The following DNAH14 variants were observed in gnomAD, a reference collection of about 807,000 sequenced individuals.
DNAH14 encodes dynein axonemal heavy chain 14, also known as axonemal beta dynein heavy chain 14.
In DNAH14, 478 loss-of-function variants were observed where a neutral mutation model predicts 520.9. The observed-to-expected ratio is 0.92, with a 90% confidence interval of 0.85 to 0.99. The LOEUF is 0.99. Ranked by LOEUF, DNAH14 falls within the 50% of genes least tolerant of loss-of-function variation. DNAH14 has a pLI of 0.00. For synonymous variants in DNAH14, 1,581 were observed against 1,757.2 expected (o/e 0.90, Z 2.51); for missense variants, 4,831 against 5,234.5 (o/e 0.92, Z 2.38).
chr1:225,017,263 ATAAG>A (rs775689537), intron 10 of DNAH14, among the ~76,000 whole-genome samples: 1 of 152,246 alleles, frequency 6.6e-6, no homozygotes, highest in Non-Finnish European at 1.5e-5. Flanking sequence ...TTCAGCACAT[ATAAG>A]TAGTCTTCTT....
At chr1:225,378,696 G>C (rs1332611235) in intron 79 of DNAH14, among the ~76,000 whole-genome samples, 2 of 151,912 alleles carry the variant, frequency 1.3e-5, no homozygotes, top group Admixed American at 1.3e-4. Flanking sequence ...GCCTGGCCAA[G>C]ATGGTGAAAC....
intron 1 of DNAH14, among the ~76,000 whole-genome samples, chr1:224,951,241 G>T (rs554862264): frequency 1.3e-5 from 2 of 152,170 alleles, no homozygotes; most frequent in East Asian, 3.9e-4. Flanking sequence ...GCCTAAGCTG[G>T]TCTCGAACTC....
intron 9 of DNAH14, among the ~76,000 whole-genome samples, chr1:225,005,690 A>G (rs2064114683): frequency 6.6e-6 from 1 of 152,132 alleles, no homozygotes; most frequent in Admixed American, 6.6e-5. Context: ...ATTAATTTTT[A>G]TAATATAACT....
chr1:225,304,144 G>A (rs951162086), intron 57 of DNAH14, among the ~76,000 whole-genome samples: 11 of 152,238 alleles, frequency 7.2e-5, no homozygotes, highest in Admixed American at 4.6e-4. Flanking sequence ...AATATTCTTC[G>A]CAGTCTGGTT....
chr1:225,344,208 T>C (rs1247770781), intron 69 of DNAH14, among the ~76,000 whole-genome samples: 4 of 149,796 alleles, frequency 2.7e-5, no homozygotes, highest in Non-Finnish European at 5.9e-5. Context: ...CTTTCTAGGA[T>C]TTGGTAAAAC....
chr1:225,138,903 CT>C (rs375162145), intron 27 of DNAH14, among the ~76,000 whole-genome samples: 3 of 152,296 alleles, frequency 2.0e-5, no homozygotes, highest in African/African-American at 7.2e-5. Flanking sequence ...TCACTTGCCC[CT>C]TTTAATTCCT....
At chr1:225,294,236 T>A (rs986133961) in intron 55 of DNAH14, among the ~76,000 whole-genome samples, 1 of 152,196 alleles carries the variant, frequency 6.6e-6, no homozygotes, top group African/African-American at 2.4e-5. Context: ...CAGTGTATCA[T>A]GTTTATTGAT....
chr1:225,194,685 G>A (rs954692828), intron 38 of DNAH14, among the ~76,000 whole-genome samples: 1 of 151,998 alleles, frequency 6.6e-6, no homozygotes, highest in Non-Finnish European at 1.5e-5. Context: ...CCTAATTAAA[G>A]AGCTGCTGCA....
chr1:225,178,074 G>A (rs1465826785), intron 36 of DNAH14, among the ~76,000 whole-genome samples: 1 of 152,188 alleles, frequency 6.6e-6, no homozygotes, highest in Non-Finnish European at 1.5e-5. Flanking sequence ...GCATCAGCGT[G>A]ATCTGGATGT....
intron 43 of DNAH14, among the ~76,000 whole-genome samples, chr1:225,245,906 A>C (rs2092254885): frequency 6.6e-6 from 1 of 152,104 alleles, no homozygotes; most frequent in African/African-American, 2.4e-5. Context: ...AAAAGAACCC[A>C]TATAGCCAAG....
rs1258965423 is a variant in DNAH14, at chr1:225,206,070, C to A, written c.6077C>A (p.Ala2026Glu). 1 of 1,551,396 alleles carries A rather than the reference C, an allele frequency of 6.4e-7. No individual in the cohort carries two copies. The highest frequency in any genetic ancestry group is 1.4e-5 in the African/African-American group (1 of 73,036). ...VLDDTRTLCLANSERIALTNK... is the reference protein window; with the variant it reads ...VLDDTRTLCLENSERIALTNK... The stretch of plus-strand genomic sequence containing the variant: ...GATGATACTAGAACATTGTGCCTAG[C>A]AAACAGTGAGAGAATAGCTTTAACT... The change falls in exon 40 of 86, where the codon GCA (alanine) becomes GAA (glutamate). Residue 2026 changes from alanine (A) to glutamate (E), a missense_variant. Transcript: ENST00000682510.
intron 45 of DNAH14, 28 bp downstream of exon 45, chr1:225,258,146 A>G (rs2092806850): frequency 1.4e-6 from 2 of 1,447,578 alleles, no homozygotes; most frequent in African/African-American, 3.0e-5. Context: ...TAGAAGGAGA[A>G]TTTCAGAGTT....
At chr1:225,219,876 A>G (rs901114117) in intron 41 of DNAH14, among the ~76,000 whole-genome samples, 3 of 152,236 alleles carry the variant, frequency 2.0e-5, no homozygotes, top group Non-Finnish European at 2.9e-5. Flanking sequence ...TCAGGCCAGT[A>G]TCCCTGATGA....
chr1:225,300,839 C>A, intron 55 of DNAH14, 30 bp from the exon 56 acceptor site: 1 of 1,543,356 alleles, frequency 6.5e-7, no homozygotes, highest in South Asian at 1.2e-5. Context: ...ATAATTTACT[C>A]TTCCTCATTA....
Position 225,043,007 on chromosome 1 carries a change from T to C in DNAH14, c.1661T>C (p.Met554Thr). Residue 554 changes from methionine to threonine, a missense_variant, in exon 13 of 86, where the codon ATG (methionine) becomes ACG (threonine). By Grantham distance (81) the Met-to-Thr change is moderately conservative. Coordinates refer to ENST00000682510, the MANE Select transcript of DNAH14 (RefSeq NM_001367479.1). The part of the protein sequence containing the change: ...PEECVMFEDE[M>T]SENKDNCVKK... ...GAGTGTGTGATGTTTGAAGATGAAA[T>C]GTCAGAAAATAAAGACAATTGTGTC... 6.4e-7 allele frequency: 1 copy of C among 1,551,738 alleles called. No homozygotes were observed. The highest frequency in any genetic ancestry group is 8.7e-7 in the Non-Finnish European group (1 of 1,147,008).
chr1:225,217,791 A>C (rs574645170), intron 41 of DNAH14, among the ~76,000 whole-genome samples: 1 of 152,220 alleles, frequency 6.6e-6, no homozygotes, highest in East Asian at 1.9e-4. Context: ...TTTTCCAGGT[A>C]CCGTCTGTCA....
At chr1:224,983,959 C>G (rs548842790) in intron 8 of DNAH14, among the ~76,000 whole-genome samples, 2 of 152,088 alleles carry the variant, frequency 1.3e-5, no homozygotes, top group African/African-American at 2.4e-5. Flanking sequence ...TGAAAATGAC[C>G]ATACTGCCAA....
At chr1:225,252,741 G>C (rs1033650486) in intron 44 of DNAH14, among the ~76,000 whole-genome samples, 5 of 151,964 alleles carry the variant, frequency 3.3e-5, no homozygotes, top group Admixed American at 2.6e-4. Context: ...AAATGGAAAG[G>C]ACTACTTGTA....
intron 23 of DNAH14, among the ~76,000 whole-genome samples, chr1:225,105,056 A>T (rs2075897914): frequency 1.3e-5 from 2 of 152,130 alleles, no homozygotes; most frequent in South Asian, 4.1e-4. Flanking sequence ...CACTGCTTTG[A>T]ATGTGTCCCA....
Sources: gnomAD v4.1 joint callset for allele counts (sites outside exome capture counted in the v4.1 genomes callset) on GRCh38, gnomAD v4.1.1 for gene constraint, MANE v1.5 for transcripts, NCBI Gene and HGNC (gene_info 2026-07-23, HGNC 2026-07-21) for gene names.